Variants in PRB4 observed in about 807,000 individuals in gnomAD.
PRB4 encodes the protein proline rich protein BstNI subfamily 4, also known as basic salivary proline-rich protein 4.
PRB4 carries 14 observed loss-of-function variants against 9.1 expected under a neutral mutation model. The observed-to-expected ratio is 1.54, with a 90% confidence interval of 1.02 to 2.41. The LOEUF (loss-of-function observed/expected upper bound fraction) is 2.41, where lower values mean the gene tolerates loss of function less well. PRB4 is among the 30% of genes most tolerant of loss of function. The probability of loss-of-function intolerance (pLI) is 0.00; values close to 1 mark genes in which losing one functional copy is unlikely to be tolerated. For synonymous variants in PRB4, 102 were observed against 108.5 expected (o/e 0.94, Z 0.37); for missense variants, 381 against 299.3 (o/e 1.27, Z -2.02).
At chr12:11,309,133 CA>C (rs1441537500) in intron 2 of PRB4, among the ~76,000 whole-genome samples, 1 of 152,102 alleles carries the variant, frequency 6.6e-6, no homozygotes, top group African/African-American at 2.4e-5. Flanking sequence ...CACTCCTGGC[CA>C]GGGGGATGTC....
Position 11,308,814 on chromosome 12 carries a change from G to A in PRB4, c.169C>T (p.Pro57Ser). The A allele has an allele frequency of 6.3e-7, 1 of 1,594,866 alleles. No individual in the cohort carries two copies. Among genetic ancestry groups the A allele is most frequent in the Non-Finnish European group, 8.6e-7 (1 of 1,169,160 alleles). The change falls in exon 3 of 4, where the codon CCA becomes TCA. Residue 57 changes from proline (P) to serine (S), a missense_variant. Transcript: ENST00000279575. ...CCTCCTTGTGGGGGTGGTCCTTGTG[G>A]CTTTCCTGGAGGAGGTGGGGGACGT... The part of the protein sequence containing the change: ...PQRPPPPPGK[P>S]QGPPPQGGNQ...
At chr12:11,310,140 G>A (rs368482474) in intron 1 of PRB4, among the ~76,000 whole-genome samples, 195 bp downstream of exon 1, 1 of 152,098 alleles carries the variant, frequency 6.6e-6, no homozygotes, top group South Asian at 2.1e-4. Flanking sequence ...GAACAAATTC[G>A]TTATTGGATT....
rs1345823917 is a variant in PRB4 at position 11,308,352 on chromosome 12, C to A, written c.631G>T (p.Gly211Cys). Residue 211 changes from glycine (G) to cysteine (C), a missense_variant, in exon 3 of 4, where the codon GGC (glycine) becomes TGC (cysteine). Physicochemically the swap from Gly to Cys is radical, Grantham distance 159 (BLOSUM62 -3). This residue lies in a region of PRB4 where 204 missense variants were observed against 134.4 expected (regional missense o/e 1.52). Coordinates refer to ENST00000279575, the MANE Select transcript of PRB4 (RefSeq NM_002723.6). ...GKPQGPPPAG[G>C]NPQQPQAPPA... ...GGTGCCTGAGGCTGCTGGGGATTGC[C>A]TCCTGCTGGGGGTGGGCCTTGTGGC... The A allele has an allele frequency of 6.2e-7, 1 of 1,610,208 alleles. No homozygotes were observed.
chr12:11,308,102 T>C (rs1462458683), intron 3 of PRB4, 119 bp downstream of exon 3: 1 of 1,221,556 alleles, frequency 8.2e-7, no homozygotes. Context: ...GAATACAAAT[T>C]TTTAGAAATG....
chr12:11,307,343 A>T (rs1161060553), intron 3 of PRB4, 144 bp from the exon 4 acceptor site: 1 of 152,616 alleles, frequency 6.6e-6, no homozygotes, highest in Non-Finnish European at 1.5e-5. Flanking sequence ...TTGTTCAGGG[A>T]TATATTTACA....
rs372237042 is a variant in PRB4, at chr12:11,308,351, C to A, written c.632G>T (p.Gly211Val). Residue 211 changes from glycine to valine, a missense_variant, in exon 3 of 4, where the codon GGC becomes GTC. Physicochemically the swap from Gly to Val is moderately radical, Grantham distance 109. Coordinates refer to ENST00000279575, the MANE Select transcript of PRB4 (RefSeq NM_002723.6). ...AGGTGCCTGAGGCTGCTGGGGATTG[C>A]CTCCTGCTGGGGGTGGGCCTTGTGG... The part of the protein sequence containing the change: ...GKPQGPPPAG[G>V]NPQQPQAPPA... 15 of 1,609,782 alleles carry A rather than the reference C, an allele frequency of 9.3e-6. 1 individual carries two copies. In the African/African-American group the frequency reaches 1.6e-4, roughly 17 times the overall value.
chr12:11,308,283 C>T lies in PRB4; in HGVS notation c.700G>A (p.Gly234Ser), dbSNP rs146162362. The T allele has an allele frequency of 4.4e-6, 7 of 1,608,194 alleles. No individual in the cohort carries two copies. The highest frequency in any genetic ancestry group is 3.4e-5 in the Admixed American group (2 of 59,082). The change falls in exon 3 of 4, where the codon GGC (glycine) becomes AGC (serine). Residue 234 changes from glycine (G) to serine (S), a missense_variant. Around this residue, in one of 3 missense-constraint regions of PRB4, gnomAD observed 204 missense variants for 134.4 expected, o/e 1.52. Coordinates refer to ENST00000279575, the MANE Select transcript of PRB4 (RefSeq NM_002723.6). Reference protein sequence around the residue: ...PQGPPPPPQGGRPPRPAQGQQ... With the variant: ...PQGPPPPPQGSRPPRPAQGQQ... ...CCCTGGGCAGGTCTGGGTGGCCTGC[C>T]CCCTTGAGGAGGTGGAGGTGGCCCC...
intron 3 of PRB4, among the ~76,000 whole-genome samples, chr12:11,307,753 T>G (rs556189009): frequency 4.9e-4 from 74 of 152,054 alleles, no homozygotes; most frequent in Admixed American, 9.2e-4. Context: ...CCATTAGATA[T>G]TTTTTGTTAG....
Position 11,307,140 on chromosome 12 carries a change from T to A in PRB4, c.*78A>T, listed in dbSNP as rs1275126155. The A allele has an allele frequency of 6.5e-6, 1 of 154,266 alleles. No homozygotes were observed. Among genetic ancestry groups the A allele is most frequent in the Non-Finnish European group, 1.5e-5 (1 of 68,042 alleles). 9.6% of individuals were successfully genotyped at this position (154,266 alleles called of 1,614,324 possible). Reference sequence around the variant, plus strand: ...TAGAGCTATGATGACCTTGTTCCAATGTCACGGCATTTGTAGCAATTGAAT... The same window carrying A: ...TAGAGCTATGATGACCTTGTTCCAAAGTCACGGCATTTGTAGCAATTGAAT... On this transcript the variant is annotated 3_prime_UTR_variant, in exon 4 of 4. Transcript: ENST00000279575.
rs6488386 is a variant in PRB4, at chr12:11,308,902, T to C, written c.101-20A>G. The C allele has an allele frequency of 0.89, 1,407,835 of 1,575,034 alleles. 626,955 individuals carry two copies. The highest frequency in any genetic ancestry group is 0.92 in the East Asian group (40,379 of 43,740). On this transcript the variant is annotated intron_variant, in intron 2 of 3. Coordinates refer to ENST00000279575, the MANE Select transcript of PRB4 (RefSeq NM_002723.6). ...GCTTTCCTGGAGGAGGTGGGGGACATACGGCATTCACTGAATAGTTGCCAC... is the reference window on the plus strand; with the variant it reads ...GCTTTCCTGGAGGAGGTGGGGGACACACGGCATTCACTGAATAGTTGCCAC...
In PRB4 at chr12:11,308,432, T is replaced by A. The variant is rs1266452936; in HGVS notation, c.551A>T (p.Gln184Leu). The change falls in exon 3 of 4, where the codon CAA (glutamine) becomes CTA (leucine). Residue 184 changes from glutamine (Q) to leucine (L), a missense_variant. By Grantham distance (113) the Gln-to-Leu change is moderately radical. Transcript: ENST00000279575. ...RSARSPPGKP[Q>L]GPPQQEGNKP... Reference sequence around the variant, plus strand: ...GTTGCCTTCTTGTTGGGGTGGTCCTTGTGGCTTTCCTGGAGGAGATCGGGC... The same window carrying A: ...GTTGCCTTCTTGTTGGGGTGGTCCTAGTGGCTTTCCTGGAGGAGATCGGGC... The A allele has an allele frequency of 6.2e-7, 1 of 1,613,510 alleles. No homozygotes were observed. Among genetic ancestry groups the A allele is most frequent in the South Asian group, 1.1e-5 (1 of 91,042 alleles).
intron 1 of PRB4, 25 bp downstream of exon 1, chr12:11,310,310 G>T (rs75435448): frequency 6.2e-7 from 1 of 1,613,678 alleles, no homozygotes; most frequent in Non-Finnish European, 8.5e-7. Context: ...AGCAGTCACC[G>T]CATCTTTTCC....
At position 11,308,905 on chromosome 12, in the gene PRB4, G is replaced by A. The variant is rs200854470; in HGVS notation, c.101-23C>T. 6.4e-5 allele frequency: 104 copies of A among 1,613,822 alleles called. 2 individuals carry two copies. In the South Asian group the frequency reaches 1.1e-3, roughly 17 times the overall value. On this transcript the variant is annotated intron_variant, in intron 2 of 3. Coordinates refer to ENST00000279575, the MANE Select transcript of PRB4 (RefSeq NM_002723.6). ...TTCCTGGAGGAGGTGGGGGACATAC[G>A]GCATTCACTGAATAGTTGCCACAAA...
At position 11,308,864 on chromosome 12, in the gene PRB4, C is replaced by T. The variant is rs77336955; in HGVS notation, c.119G>A (p.Arg40His). The T allele has an allele frequency of 2.9e-5, 42 of 1,461,308 alleles. No individual in the cohort carries two copies. Among genetic ancestry groups the T allele is most frequent in the African/African-American group, 8.5e-5 (5 of 58,500 alleles). The allele number at this position is 1,461,308 out of a possible 1,614,324, so 90.5% of individuals were successfully genotyped here. The change falls in exon 3 of 4, where the codon CGC becomes CAC. Residue 40 changes from arginine (R) to histidine (H), a missense_variant. By Grantham distance (29) the Arg-to-His change is conservative. This residue lies in a region of PRB4 where 151 missense variants were observed against 105.8 expected (regional missense o/e 1.43). Coordinates refer to ENST00000279575, the MANE Select transcript of PRB4 (RefSeq NM_002723.6). ...TTGGGGCTGGTTTCCTCCTTGTGGG[C>T]GTCGTCCTTCTGGCTTTCCTGGAGG... is the stretch of plus-strand genomic sequence containing the variant. The part of the protein sequence containing the change: ...FLISGKPEGR[R>H]PQGGNQPQRP...
At position 11,308,244 on chromosome 12, in the gene PRB4, G is replaced by T. The variant is rs200327304; in HGVS notation, c.739C>A (p.Gln247Lys). 9 of 1,610,474 alleles carry T rather than the reference G, an allele frequency of 5.6e-6. No individual in the cohort carries two copies. The South Asian group carries it at 8.9e-5, about 16-fold the overall frequency. Residue 247 changes from glutamine to lysine, a missense_variant, in exon 3 of 4, where the codon CAG becomes AAG. Transcript: ENST00000279575. ...PRPAQGQQPP[Q>K] Reference sequence around the variant, plus strand: ...ACCTGTCATTGAATCCTAGATTACTGGGGAGGCTGTTGTCCCTGGGCAGGT... The same window carrying T: ...ACCTGTCATTGAATCCTAGATTACTTGGGAGGCTGTTGTCCCTGGGCAGGT...
Position 11,308,819 on chromosome 12 carries a change from C to T in PRB4, c.164G>A (p.Gly55Glu), listed in dbSNP as rs765811780. The T allele has an allele frequency of 4.4e-6, 7 of 1,591,950 alleles. No homozygotes were observed. In the African/African-American group the frequency reaches 8.2e-5, roughly 19 times the overall value. Reference sequence around the variant, plus strand: ...TTGTGGGGGTGGTCCTTGTGGCTTTCCTGGAGGAGGTGGGGGACGTTGGGG... The same window carrying T: ...TTGTGGGGGTGGTCCTTGTGGCTTTTCTGGAGGAGGTGGGGGACGTTGGGG... ...NQPQRPPPPP[G>E]KPQGPPPQGG... The change falls in exon 3 of 4, where the codon GGA (glycine) becomes GAA (glutamate). Residue 55 changes from glycine to glutamate, a missense_variant. By Grantham distance (98) the Gly-to-Glu change is moderately conservative. Transcript: ENST00000279575.
Position 11,307,082 on chromosome 12 carries a change from T to A in PRB4, c.*136A>T. 1 of 154,734 alleles carries A rather than the reference T, an allele frequency of 6.5e-6. No homozygotes were observed. The highest frequency in any genetic ancestry group is 5.2e-4 in the Middle Eastern group (1 of 1,912). 9.6% of individuals were successfully genotyped at this position (154,734 alleles called of 1,614,324 possible). ...GAGAAAGAACACCACAATCAGAAAT[T>A]GCAAGCTGATTATTTTATTGGTATA... On this transcript the variant is annotated 3_prime_UTR_variant, in exon 4 of 4. Coordinates refer to ENST00000279575, the MANE Select transcript of PRB4 (RefSeq NM_002723.6).
chr12:11,309,401 G>C lies in PRB4; in HGVS notation c.69C>G (p.Val23=). ...LSSAESSSED[V]SQEESLFLIS... is the part of the protein sequence containing the mutation. ...TTAGGAAGAGAGATTCTTCCTGGCT[G>C]ACATCTAGAAGAGAAGCACAGGATG... is the stretch of plus-strand genomic sequence containing the variant. Residue 23 remains valine, a synonymous_variant, in exon 2 of 4, where the codon GTC becomes GTG. Coordinates refer to ENST00000279575, the MANE Select transcript of PRB4 (RefSeq NM_002723.6). 6.2e-7 allele frequency: 1 copy of C among 1,614,144 alleles called. No homozygotes were observed. Among genetic ancestry groups the C allele is most frequent in the African/African-American group, 1.3e-5 (1 of 75,058 alleles).
At chr12:11,309,869 CTGATATT>C (rs1863012728) in intron 1 of PRB4, among the ~76,000 whole-genome samples, 1 of 152,122 alleles carries the variant, frequency 6.6e-6, no homozygotes, top group Non-Finnish European at 1.5e-5. Context: ...ATGATTGGCT[CTGATATT>C]TCTACATCTT....
Sources: allele counts gnomAD v4.1 joint callset (sites outside exome capture counted in the v4.1 genomes callset), GRCh38; gene constraint gnomAD v4.1.1; regional missense constraint gnomAD v4.1.1; transcripts MANE v1.5; gene names NCBI Gene and HGNC (gene_info 2026-07-23, HGNC 2026-07-21).